The following JUP variants were observed in gnomAD, a reference collection of about 807,000 sequenced individuals.
The protein encoded by JUP is junction plakoglobin.
A neutral mutation model predicts 71.1 loss-of-function variants in JUP; 28 were observed. That is an observed-to-expected ratio of 0.39 (90% confidence interval 0.29 to 0.54). The LOEUF is 0.54. JUP is among the 20% of genes least tolerant of loss of function. The pLI is 0.62. For synonymous variants in JUP, 401 were observed against 438.9 expected (o/e 0.91, Z 1.08); for missense variants, 869 against 1,030.1 (o/e 0.84, Z 2.14).
intron 12 of JUP, among the ~76,000 whole-genome samples, 196 bp downstream of exon 12, chr17:41,757,219 G>T (rs1389725230): frequency 2.0e-5 from 3 of 152,172 alleles, no homozygotes; most frequent in African/African-American, 7.2e-5. Flanking sequence ...TACTCATTTG[G>T]GCAAAATAAA....
chr17:41,779,715 G>C (rs1299516195), intron 1 of JUP, among the ~76,000 whole-genome samples: 1 of 152,032 alleles, frequency 6.6e-6, no homozygotes, highest in Non-Finnish European at 1.5e-5. Flanking sequence ...GCCCAAGCTG[G>C]AGTATAGTGG....
intron 1 of JUP, among the ~76,000 whole-genome samples, chr17:41,775,664 G>A (rs1355527897): frequency 4.6e-5 from 7 of 152,198 alleles, no homozygotes; most frequent in Admixed American, 2.0e-4. Flanking sequence ...TGAATGGGGG[G>A]CCTTTGTTTA....
chr17:41,781,281 G>A (rs556385038), intron 1 of JUP, among the ~76,000 whole-genome samples: 1 of 152,122 alleles, frequency 6.6e-6, no homozygotes, highest in South Asian at 2.1e-4. Context: ...CCTGAACCCG[G>A]GAGATGGAGG....
intron 1 of JUP, chr17:41,772,842 C>G: frequency 1.0e-6 from 1 of 985,414 alleles, no homozygotes; most frequent in Non-Finnish European, 1.2e-6. Context: ...GTAGCAGGGC[C>G]GAACTTTGTA....
At chr17:41,756,327 C>G in intron 12 of JUP, 113 bp from the exon 13 acceptor site, 1 of 1,068,890 alleles carries the variant, frequency 9.4e-7, no homozygotes. Context: ...AGGCTGGGTG[C>G]CATGGCTCAC....
intron 12 of JUP, among the ~76,000 whole-genome samples, chr17:41,756,526 G>A (rs1913783727): frequency 6.6e-6 from 1 of 152,070 alleles, no homozygotes. Context: ...CTTGAATGGG[G>A]AGGCAGAGGA....
rs782730235 is a variant in JUP, at chr17:41,769,660, T to C, written c.226A>G (p.Met76Val). ...CGTTTGGCCCTGGCTGTTGTGGACATCTGGTACTCCAGATCACCTGGGGGC... is the reference window on the plus strand; with the variant it reads ...CGTTTGGCCCTGGCTGTTGTGGACACCTGGTACTCCAGATCACCTGGGGGC... ...PPSQGDLEYQ[M>V]STTARAKRVR... Residue 76 changes from methionine (M) to valine (V), a missense_variant, in exon 3 of 14, where the codon ATG (methionine) becomes GTG (valine). Transcript: ENST00000393931. 2.3e-5 allele frequency: 37 copies of C among 1,608,942 alleles called. No individual in the cohort carries two copies. The highest frequency in any genetic ancestry group is 3.1e-5 in the Non-Finnish European group (36 of 1,178,490).
At chr17:41,767,046 CAAAA>C (rs57624378) in intron 5 of JUP, among the ~76,000 whole-genome samples, 3 of 75,654 alleles carry the variant, frequency 4.0e-5, no homozygotes, top group Non-Finnish European at 9.0e-5. Context: ...GACCCTGTCT[CAAAA>C]AAAAAAAAAA....
chr17:41,781,050 G>A (rs1183257916), intron 1 of JUP, among the ~76,000 whole-genome samples: 8 of 151,932 alleles, frequency 5.3e-5, no homozygotes, highest in South Asian at 2.1e-4. Flanking sequence ...GCGTGGTGGC[G>A]GGCGCCTGTA....
chr17:41,756,287 CAGGGAG>C, intron 12 of JUP, 73 bp from the exon 13 acceptor site: 1 of 1,471,974 alleles, frequency 6.8e-7, no homozygotes. Context: ...AGCTGGTGGG[CAGGGAG>C]AGATGCTTCT....
chr17:41,780,706 C>CAA (rs61104138), intron 1 of JUP, among the ~76,000 whole-genome samples: 1 of 145,160 alleles, frequency 6.9e-6, no homozygotes, highest in South Asian at 2.2e-4. Context: ...AAAAACAAAC[C>CAA]AAAAAAAAAA....
intron 1 of JUP, chr17:41,776,017 A>C (rs2046868604): frequency 1.0e-6 from 1 of 984,964 alleles, no homozygotes; most frequent in East Asian, 1.1e-4. Context: ...TGCCAAGGAC[A>C]GTCAGCAATG....
chr17:41,764,523 A>G (rs1379171868), intron 7 of JUP, among the ~76,000 whole-genome samples, 190 bp downstream of exon 7: 1 of 107,410 alleles, frequency 9.3e-6, no homozygotes, highest in African/African-American at 3.9e-5. Context: ...TGACAGAGTG[A>G]GACTCCGTCA....
At chr17:41,755,925 G>A (rs1338919956) in intron 13 of JUP, 30 bp from the exon 14 acceptor site, 10 of 1,591,362 alleles carry the variant, frequency 6.3e-6, no homozygotes, top group Admixed American at 1.7e-5. Flanking sequence ...CTCGGTCCTA[G>A]GGTCTGCAAG....
chr17:41,767,336 C>CA, intron 5 of JUP, 43 bp downstream of exon 5: 1 of 1,559,306 alleles, frequency 6.4e-7, no homozygotes, highest in Non-Finnish European at 8.8e-7. Context: ...GAAGATGGCG[C>CA]AAGGGTGGGC....
At position 41,758,315 on chromosome 17, in the gene JUP, C is replaced by T. The variant is rs180722523; in HGVS notation, c.1773+84G>A. 5.4e-4 allele frequency: 847 copies of T among 1,580,426 alleles called. 11 individuals are homozygous for T. In the South Asian group the frequency reaches 8.7e-3, roughly 16 times the overall value. ...TCCAAAGACCTCTTGATACCTGGTC[C>T]AGGCCTCCCAAATCTGGGACTCCTA... On this transcript the variant is annotated intron_variant, in intron 10 of 13. Transcript: ENST00000393931.
chr17:41,775,575 CGA>C (rs1221402353), intron 1 of JUP, among the ~76,000 whole-genome samples: 1 of 152,192 alleles, frequency 6.6e-6, no homozygotes, highest in African/African-American at 2.4e-5. Flanking sequence ...AGGGTGGAAG[CGA>C]GAGAGACAGA....
intron 8 of JUP, 86 bp downstream of exon 8, chr17:41,762,897 C>T: frequency 8.9e-7 from 1 of 1,124,476 alleles, no homozygotes; most frequent in East Asian, 2.4e-5. Context: ...GTATTTAGGG[C>T]TTCTTTGCTA....
chr17:41,762,611 G>C (rs1342483248), intron 8 of JUP, among the ~76,000 whole-genome samples: 2 of 151,838 alleles, frequency 1.3e-5, no homozygotes, highest in Non-Finnish European at 2.9e-5. Flanking sequence ...ATGTTGTCCA[G>C]GCTGGTCTCA....
Sources: allele counts gnomAD v4.1 joint callset (sites outside exome capture counted in the v4.1 genomes callset), GRCh38; gene constraint gnomAD v4.1.1; transcripts MANE v1.5; gene names NCBI Gene and HGNC (gene_info 2026-07-23, HGNC 2026-07-21).